DPY19L2: variants seen among roughly 807,000 people sequenced by gnomAD.
DPY19L2 encodes probable C-mannosyltransferase DPY19L2.
A neutral mutation model predicts 97.9 loss-of-function variants in DPY19L2; 34 were observed. The ratio of observed to expected loss-of-function variants is 0.35; its 90% confidence interval spans 0.26 to 0.46. The LOEUF (loss-of-function observed/expected upper bound fraction) is 0.46. DPY19L2 is among the 20% of genes least tolerant of loss of function. The pLI, the probability that DPY19L2 is intolerant of heterozygous loss-of-function variation, is 1.00. For synonymous variants in DPY19L2, 230 were observed against 307.9 expected (o/e 0.75, Z 2.65); for missense variants, 623 against 911.4 (o/e 0.68, Z 4.07).
At chr12:63,622,037 C>A (rs1334276800) in intron 8 of DPY19L2, among the ~76,000 whole-genome samples, 1 of 152,046 alleles carries the variant, frequency 6.6e-6, no homozygotes. Flanking sequence ...AATCTTTGTA[C>A]AATCGTATAT....
At chr12:63,636,624 G>T (rs1377562589) in intron 6 of DPY19L2, among the ~76,000 whole-genome samples, 2 of 151,868 alleles carry the variant, frequency 1.3e-5, no homozygotes, top group Admixed American at 1.3e-4. Context: ...AAAACAAAAG[G>T]GGTTGCAATC....
chr12:63,584,896 G>C (rs1158942724), intron 16 of DPY19L2, among the ~76,000 whole-genome samples: 1 of 152,132 alleles, frequency 6.6e-6, no homozygotes, highest in East Asian at 1.9e-4. Flanking sequence ...TGAAGAAGAA[G>C]AAAAAATTAA....
At chr12:63,599,164 T>A (rs1884726247) in intron 13 of DPY19L2, among the ~76,000 whole-genome samples, 1 of 142,774 alleles carries the variant, frequency 7.0e-6, no homozygotes, top group Non-Finnish European at 1.5e-5. Context: ...AGCATGAGAC[T>A]GTGTTTCAAA....
At chr12:63,589,245 T>C (rs779119349) in intron 16 of DPY19L2, among the ~76,000 whole-genome samples, 2 of 151,366 alleles carry the variant, frequency 1.3e-5, no homozygotes, top group Non-Finnish European at 2.9e-5. Context: ...ATTAGAAAGT[T>C]ATTACTATTT....
intron 4 of DPY19L2, among the ~76,000 whole-genome samples, chr12:63,655,739 A>AGGAT (rs1324559723): frequency 2.3e-5 from 3 of 129,206 alleles, no homozygotes; most frequent in South Asian, 2.9e-4. Context: ...GAGATAAGGA[A>AGGAT]GGGTCGGGGG....
intron 5 of DPY19L2, among the ~76,000 whole-genome samples, chr12:63,645,562 A>G (rs1050538807): frequency 6.6e-6 from 1 of 152,086 alleles, no homozygotes; most frequent in African/African-American, 2.4e-5. Context: ...AAATTCATGC[A>G]TACACAATGA....
rs564390464 is a variant in DPY19L2, at chr12:63,570,671, G to A, written c.2000+87C>T. The A allele has an allele frequency of 1.4e-5, 15 of 1,087,926 alleles. No homozygotes were observed. In the African/African-American group the frequency reaches 1.7e-4, roughly 13 times the overall value. 67.4% of individuals were successfully genotyped at this position (1,087,926 alleles called of 1,614,324 possible). A position where few individuals can be genotyped will look rare whatever the true frequency, so the allele number is the denominator to read the frequency against. ...TTTGTGTGTGTGTGTGTGTGTGTGT[G>A]TGTGTGTGTGTGTGTAAAATTTTCC... On this transcript the variant is annotated intron_variant, in intron 20 of 21. Coordinates refer to ENST00000324472, the MANE Select transcript of DPY19L2 (RefSeq NM_173812.5).
At chr12:63,599,197 A>T (rs1408844318) in intron 13 of DPY19L2, among the ~76,000 whole-genome samples, 1 of 149,602 alleles carries the variant, frequency 6.7e-6, no homozygotes, top group African/African-American at 2.5e-5. Flanking sequence ...AAAAAAAAAA[A>T]GATTTAGATT....
intron 21 of DPY19L2, among the ~76,000 whole-genome samples, chr12:63,566,755 TC>T (rs1388743769): frequency 6.6e-6 from 1 of 152,072 alleles, no homozygotes; most frequent in African/African-American, 2.4e-5. Flanking sequence ...TAGACATTTT[TC>T]TACAGAATTT....
At chr12:63,598,404 T>C (rs1479122165) in intron 13 of DPY19L2, among the ~76,000 whole-genome samples, 4 of 152,180 alleles carry the variant, frequency 2.6e-5, no homozygotes, top group Non-Finnish European at 5.9e-5. Flanking sequence ...ATATGAGACC[T>C]GATCCTCATA....
chr12:63,583,899 A>C (rs3779270), intron 16 of DPY19L2, 63 bp from the exon 17 acceptor site: 1 of 1,399,796 alleles, frequency 7.1e-7, no homozygotes, highest in African/African-American at 1.4e-5. Flanking sequence ...ATACATAAAA[A>C]TAAGCTTCAT....
chr12:63,620,866 T>C (rs1339333749), intron 9 of DPY19L2, among the ~76,000 whole-genome samples: 1 of 152,112 alleles, frequency 6.6e-6, no homozygotes, highest in Non-Finnish European at 1.5e-5. Flanking sequence ...CACCACGGAA[T>C]ACTATGCAGC....
intron 4 of DPY19L2, among the ~76,000 whole-genome samples, chr12:63,659,596 AG>A (rs2138284762): frequency 6.6e-6 from 1 of 152,274 alleles, no homozygotes; most frequent in South Asian, 2.1e-4. Flanking sequence ...ACAGTAATCA[AG>A]ACAGTGTGGT....
chr12:63,667,998 C>G, intron 1 of DPY19L2, 59 bp downstream of exon 1: 1 of 1,553,574 alleles, frequency 6.4e-7, no homozygotes. Flanking sequence ...TGATCTCCTT[C>G]AAGACTCAAG....
At chr12:63,583,765 T>C in intron 17 of DPY19L2, 47 bp downstream of exon 17, 2 of 1,596,186 alleles carry the variant, frequency 1.3e-6, no homozygotes, top group Non-Finnish European at 1.7e-6. Context: ...ATCCTCAAAC[T>C]ACAATTTAAT....
intron 14 of DPY19L2, among the ~76,000 whole-genome samples, chr12:63,596,728 C>A (rs1223513899): frequency 3.9e-5 from 6 of 152,042 alleles, no homozygotes; most frequent in Non-Finnish European, 8.8e-5. Context: ...AATGATTACA[C>A]AAGGAATAAT....
chr12:63,591,997 AG>A (rs1883072296), intron 16 of DPY19L2, among the ~76,000 whole-genome samples: 1 of 17,418 alleles, frequency 5.7e-5, no homozygotes, highest in Admixed American at 8.5e-4. Context: ...AAGGGAAGGG[AG>A]GGGAAGGGAG....
At chr12:63,664,917 C>T (rs2136161356) in intron 2 of DPY19L2, among the ~76,000 whole-genome samples, 1 of 152,294 alleles carries the variant, frequency 6.6e-6, no homozygotes, top group South Asian at 2.1e-4. Context: ...TAAACGTCTA[C>T]AGCAGCACTG....
At chr12:63,660,542 T>C (rs1476259957) in intron 4 of DPY19L2, among the ~76,000 whole-genome samples, 1 of 152,026 alleles carries the variant, frequency 6.6e-6, no homozygotes, top group African/African-American at 2.4e-5. Flanking sequence ...ATTTATAATA[T>C]TTTAATTATT....
Sources: allele counts gnomAD v4.1 joint callset (sites outside exome capture counted in the v4.1 genomes callset), GRCh38; gene constraint gnomAD v4.1.1; transcripts MANE v1.5; gene names NCBI Gene and HGNC (gene_info 2026-07-23, HGNC 2026-07-21).